FBXL2: variants seen among roughly 807,000 people sequenced by gnomAD.
The protein encoded by FBXL2 is F-box and leucine rich repeat protein 2.
A neutral mutation model predicts 69.2 loss-of-function variants in FBXL2; 38 were observed. The observed-to-expected ratio is 0.55, with a 90% CI of 0.42 to 0.72. FBXL2 has a LOEUF of 0.72. Ranked by LOEUF, FBXL2 falls within the 30% of genes least tolerant of loss-of-function variation. The probability of loss-of-function intolerance (pLI) is 0.00; values close to 1 mark genes in which losing one functional copy is unlikely to be tolerated. For missense variants in FBXL2, 354 were observed against 520.3 expected, an observed-to-expected ratio of 0.68 and a Z score of 3.11; for synonymous variants, 192 against 201.3, an observed-to-expected ratio of 0.95 and a Z score of 0.39.
At chr3:33,335,549 A>G (rs543255851) in intron 2 of FBXL2, among the ~76,000 whole-genome samples, 1 of 152,298 alleles carries the variant, frequency 6.6e-6, no homozygotes, top group Non-Finnish European at 1.5e-5. Context: ...CAAAAAATAA[A>G]AATTTAGAAA....
intron 2 of FBXL2, among the ~76,000 whole-genome samples, chr3:33,352,893 T>TCAAAACAAAA (rs61461877): frequency 0.18 from 26,197 of 149,440 alleles, 2,775 homozygotes; most frequent in East Asian, 0.42. Context: ...AGACTCTGTC[T>TCAAAACAAAA]CAAAACAAAA....
At chr3:33,418,828 C>T in the FBXL2 span, among the ~76,000 whole-genome samples, 1 of 126,694 alleles carries the variant, frequency 7.9e-6, no homozygotes, top group Non-Finnish European at 1.5e-5. Flanking sequence ...CGCTGCACTA[C>T]AGCCCAGGCA....
chr3:33,372,731 T>G lies in FBXL2; in HGVS notation c.291-361T>G, dbSNP rs1054515979. On this transcript the variant is annotated intron_variant, in intron 5 of 14. Transcript: ENST00000484457. The stretch of plus-strand genomic sequence containing the variant: ...GAAGATTTGCCCCCTTGGTTCAAAT[T>G]GATTTTTTTGTAGAGCGGAGGGAGC... 2.3e-5 allele frequency: 8 copies of G among 350,494 alleles called. No individual in the cohort carries two copies. In the Admixed American group the frequency reaches 3.1e-4, roughly 13 times the overall value. 21.7% of individuals were successfully genotyped at this position (350,494 alleles called of 1,614,324 possible). A position where few individuals can be genotyped will look rare whatever the true frequency, so the allele number is the denominator to read the frequency against.
At chr3:33,330,888 CACACACACAA>C (rs2039095947) in intron 2 of FBXL2, among the ~76,000 whole-genome samples, 1 of 150,336 alleles carries the variant, frequency 6.7e-6, no homozygotes, top group South Asian at 2.1e-4. Context: ...GACTCTGTCA[CACACACACAA>C]ACACACACAC....
At chr3:33,402,259 C>G (rs1321664370) in intron 12 of FBXL2, among the ~76,000 whole-genome samples, 3 of 152,214 alleles carry the variant, frequency 2.0e-5, no homozygotes, top group Admixed American at 2.0e-4. Flanking sequence ...TGAGCTTACT[C>G]TAGACTCTTG....
chr3:33,309,003 A>G (rs891652771), intron 2 of FBXL2, among the ~76,000 whole-genome samples: 6 of 152,188 alleles, frequency 3.9e-5, no homozygotes, highest in Admixed American at 6.5e-5. Context: ...CATATGATCT[A>G]TCCTGGAGAA....
intron 2 of FBXL2, among the ~76,000 whole-genome samples, chr3:33,299,199 G>C (rs143579329): frequency 6.6e-6 from 1 of 151,794 alleles, no homozygotes; most frequent in African/African-American, 2.4e-5. Context: ...GTGTCACCAC[G>C]CCCAGCTGAT....
chr3:33,309,526 A>C (rs1482752029), intron 2 of FBXL2, among the ~76,000 whole-genome samples: 6 of 151,538 alleles, frequency 4.0e-5, no homozygotes, highest in Non-Finnish European at 8.8e-5. Flanking sequence ...TCTTGCAGAT[A>C]GCATATAGTT....
In FBXL2 at chr3:33,320,940, C is replaced by A. The variant is rs1575183335; in HGVS notation, c.65+23215C>A. 2.0e-5 allele frequency among the ~76,000 whole-genome samples: 3 copies of A among 152,214 alleles called. No individual in the cohort carries two copies. The South Asian group carries it at 6.2e-4, about 32-fold the overall frequency. On this transcript the variant is annotated intron_variant, in intron 2 of 14. Coordinates refer to ENST00000484457, the MANE Select transcript of FBXL2 (RefSeq NM_012157.5). ...AGATACTTGTAGTACATAAAACCAA[C>A]ATATTCTTAGTATCCAGAATTTATG...
chr3:33,326,435 G>A (rs1449037331), intron 2 of FBXL2, among the ~76,000 whole-genome samples: 2 of 151,644 alleles, frequency 1.3e-5, no homozygotes, highest in African/African-American at 4.8e-5. Flanking sequence ...CCCAGGAGGC[G>A]GAGCTTGCAG....
At chr3:33,327,409 A>T (rs1431295602) in intron 2 of FBXL2, among the ~76,000 whole-genome samples, 4 of 152,096 alleles carry the variant, frequency 2.6e-5, no homozygotes, top group Non-Finnish European at 5.9e-5. Flanking sequence ...AAGTTTTGAA[A>T]CTGTTTGTCC....
At chr3:33,317,608 G>A (rs1405380152) in intron 2 of FBXL2, 4 of 438,444 alleles carry the variant, frequency 9.1e-6, no homozygotes, top group Non-Finnish European at 1.8e-5. Flanking sequence ...TATCCTAGCA[G>A]TAGGGGTATG....
chr3:33,285,624 C>G (rs921696658), intron 1 of FBXL2, among the ~76,000 whole-genome samples: 1 of 152,182 alleles, frequency 6.6e-6, no homozygotes, highest in African/African-American at 2.4e-5. Flanking sequence ...TGGATAATAT[C>G]CTGTAGAGTG....
the FBXL2 span, among the ~76,000 whole-genome samples, chr3:33,418,412 G>A: frequency 6.6e-6 from 1 of 151,806 alleles, no homozygotes; most frequent in Non-Finnish European, 1.5e-5. Flanking sequence ...CCGCCACCAC[G>A]CCCAGCTAAT....
intron 2 of FBXL2, among the ~76,000 whole-genome samples, chr3:33,306,422 C>G (rs1370432067): frequency 6.6e-6 from 1 of 152,134 alleles, no homozygotes; most frequent in Non-Finnish European, 1.5e-5. Flanking sequence ...TCTGAAGGAA[C>G]CACTATCTTG....
chr3:33,337,412 G>T (rs938778419), intron 2 of FBXL2, among the ~76,000 whole-genome samples: 6 of 152,152 alleles, frequency 3.9e-5, no homozygotes, highest in Non-Finnish European at 7.3e-5. Context: ...ATCACTTGTA[G>T]CAGGGAAATA....
At chr3:33,373,235 C>T (rs2154048301) in intron 6 of FBXL2, 25 bp from the exon 7 acceptor site, 1 of 1,613,114 alleles carries the variant, frequency 6.2e-7, no homozygotes, top group East Asian at 2.2e-5. Context: ...TTGAAAATAT[C>T]TTTAGTGCGT....
At chr3:33,374,887 TC>T (rs1003625026) in intron 9 of FBXL2, among the ~76,000 whole-genome samples, 8 of 152,274 alleles carry the variant, frequency 5.3e-5, no homozygotes, top group Admixed American at 5.2e-4. Context: ...TCTGCAGAAA[TC>T]CAATCAAATA....
chr3:33,304,536 A>C (rs1575132595), intron 2 of FBXL2, among the ~76,000 whole-genome samples: 1 of 151,822 alleles, frequency 6.6e-6, no homozygotes, highest in Non-Finnish European at 1.5e-5. Flanking sequence ...AATGTACTAA[A>C]ATTTTATTTT....
Sources: allele counts gnomAD v4.1 joint callset (sites outside exome capture counted in the v4.1 genomes callset), GRCh38; gene constraint gnomAD v4.1.1; transcripts MANE v1.5; gene names NCBI Gene and HGNC (gene_info 2026-07-23, HGNC 2026-07-21).